The following ADGRL2 variants were observed in gnomAD, a reference collection of about 807,000 sequenced individuals.
ADGRL2 encodes calcium-independent alpha-latrotoxin receptor 2.
Under a neutral mutation model 157.4 loss-of-function variants are expected in ADGRL2, and 44 were observed. The ratio of observed to expected loss-of-function variants is 0.28; its 90% confidence interval spans 0.22 to 0.36. ADGRL2 has a LOEUF of 0.36. Ranked by LOEUF, ADGRL2 falls within the 10% of genes least tolerant of loss-of-function variation. The pLI, the probability that ADGRL2 is intolerant of heterozygous loss-of-function variation, is 1.00. For missense variants in ADGRL2, 1,510 were observed against 1,768.9 expected, an observed-to-expected ratio of 0.85 and a Z score of 2.63; for synonymous variants, 585 against 624.7, an observed-to-expected ratio of 0.94 and a Z score of 0.95.
At chr1:81,333,277 G>GA (rs1337848914) in intron 1 of ADGRL2, among the ~76,000 whole-genome samples, 1 of 151,924 alleles carries the variant, frequency 6.6e-6, no homozygotes, top group Non-Finnish European at 1.5e-5. Context: ...AAAGTGGACT[G>GA]AAAAAAATGT....
At chr1:81,722,437 G>T in intron 1 of ADGRL2, 1 of 1,211,140 alleles carries the variant, frequency 8.3e-7, no homozygotes, top group Non-Finnish European at 1.2e-6. Flanking sequence ...ATTTGCGCTT[G>T]GCCGTTTTGT....
intron 3 of ADGRL2, among the ~76,000 whole-genome samples, chr1:81,926,981 T>C (rs2095122126): frequency 6.6e-6 from 1 of 152,050 alleles, no homozygotes; most frequent in Non-Finnish European, 1.5e-5. Flanking sequence ...GCATTGCCAT[T>C]TCAAAATGCT....
chr1:81,501,861 C>T (rs1053790935), intron 2 of ADGRL2: 4 of 1,598,292 alleles, frequency 2.5e-6, no homozygotes, highest in Admixed American at 1.7e-5. Context: ...CAGATGGATG[C>T]CAGAGAGAAG....
chr1:81,908,245 C>T (rs140959742), intron 3 of ADGRL2, among the ~76,000 whole-genome samples: 1 of 152,108 alleles, frequency 6.6e-6, no homozygotes, highest in Non-Finnish European at 1.5e-5. Flanking sequence ...CAATGCATAT[C>T]CCAGAAAGTA....
chr1:81,439,259 A>C (rs746552417), intron 1 of ADGRL2, among the ~76,000 whole-genome samples: 12 of 152,082 alleles, frequency 7.9e-5, no homozygotes, highest in Admixed American at 3.9e-4. Context: ...GCAAACTCTC[A>C]TTTTCAAAGT....
intron 2 of ADGRL2, among the ~76,000 whole-genome samples, chr1:81,886,310 T>C (rs1259479275): frequency 6.6e-6 from 1 of 152,128 alleles, no homozygotes; most frequent in African/African-American, 2.4e-5. Context: ...TACCTGGGAC[T>C]ACAGGCATGC....
rs560705459 is a variant in ADGRL2, at chr1:81,633,373, A to T, written c.-143+52393A>T. On this transcript the variant is annotated intron_variant, in intron 3 of 24. Transcript: ENST00000370721. ...CACTTTGGGAGGCTGAGGCTGGCAG[A>T]TCACTTGAGTTCAGGAGTTCAACAC... Among the ~76,000 whole-genome samples the T allele has an allele frequency of 1.3e-4, 20 of 152,066 alleles. 1 individual carries two copies. The South Asian group carries it at 4.2e-3, about 32-fold the overall frequency.
intron 3 of ADGRL2, among the ~76,000 whole-genome samples, chr1:81,668,690 G>T (rs2082803895): frequency 6.6e-6 from 1 of 151,786 alleles, no homozygotes; most frequent in South Asian, 2.1e-4. Context: ...AGCCTCCTGA[G>T]TAGCTGGGAT....
chr1:81,884,835 A>G (rs2094086912), intron 2 of ADGRL2, among the ~76,000 whole-genome samples: 2 of 152,222 alleles, frequency 1.3e-5, no homozygotes, highest in Admixed American at 6.5e-5. Context: ...TGAAAACTAT[A>G]TTGGTAATAT....
At chr1:81,781,537 G>A (rs750762851) in intron 2 of ADGRL2, among the ~76,000 whole-genome samples, 60 of 152,080 alleles carry the variant, frequency 3.9e-4, no homozygotes, top group Non-Finnish European at 6.8e-4. Context: ...TTACTGTTAC[G>A]CACCTTAAGC....
chr1:81,311,787 A>C (rs1313236594), intron 1 of ADGRL2, among the ~76,000 whole-genome samples: 1 of 152,230 alleles, frequency 6.6e-6, no homozygotes, highest in Non-Finnish European at 1.5e-5. Context: ...TAAAAAATAT[A>C]TACTATGATT....
intron 2 of ADGRL2, among the ~76,000 whole-genome samples, chr1:81,776,478 C>G (rs947687115): frequency 6.6e-6 from 1 of 152,140 alleles, no homozygotes; most frequent in Non-Finnish European, 1.5e-5. Context: ...TGAGCCACCA[C>G]GCCTGGCCAG....
chr1:81,827,204 A>T (rs2091565893), intron 1 of ADGRL2, among the ~76,000 whole-genome samples: 1 of 152,206 alleles, frequency 6.6e-6, no homozygotes, highest in African/African-American at 2.4e-5. Context: ...TTAGCATTAT[A>T]CAAGAAACTT....
At chr1:81,773,662 C>T (rs1480870317) in intron 2 of ADGRL2, among the ~76,000 whole-genome samples, 1 of 152,092 alleles carries the variant, frequency 6.6e-6, no homozygotes, top group African/African-American at 2.4e-5. Flanking sequence ...TTCACATGAC[C>T]TCAAAAGCAA....
chr1:81,597,435 T>C (rs1459316151), intron 3 of ADGRL2, among the ~76,000 whole-genome samples: 2 of 152,178 alleles, frequency 1.3e-5, no homozygotes, highest in East Asian at 1.9e-4. Context: ...GAATTAAAGT[T>C]TAAAAAACAC....
intron 2 of ADGRL2, among the ~76,000 whole-genome samples, chr1:81,850,413 C>G (rs557089652): frequency 6.6e-6 from 1 of 151,836 alleles, no homozygotes; most frequent in African/African-American, 2.4e-5. Context: ...TTCATTATTT[C>G]CTTTAAGCTA....
At chr1:81,964,547 T>A (rs190114184) in intron 11 of ADGRL2, among the ~76,000 whole-genome samples, 31 of 152,108 alleles carry the variant, frequency 2.0e-4, no homozygotes, top group Non-Finnish European at 4.0e-4. Context: ...GGGTTTGACA[T>A]GTGGTTTAAT....
At chr1:81,459,868 G>T (rs2077889965) in intron 2 of ADGRL2, among the ~76,000 whole-genome samples, 1 of 150,840 alleles carries the variant, frequency 6.6e-6, no homozygotes, top group African/African-American at 2.4e-5. Flanking sequence ...TAGCAGGATT[G>T]CTGGATCATG....
chr1:81,645,664 C>T (rs538981209), intron 3 of ADGRL2, among the ~76,000 whole-genome samples: 1 of 152,140 alleles, frequency 6.6e-6, no homozygotes, highest in South Asian at 2.1e-4. Flanking sequence ...GCTATCTTTC[C>T]ATGACAATGT....
Sources: allele counts gnomAD v4.1 joint callset (sites outside exome capture counted in the v4.1 genomes callset), GRCh38; gene constraint gnomAD v4.1.1; transcripts MANE v1.5; gene names NCBI Gene and HGNC (gene_info 2026-07-23, HGNC 2026-07-21).